FGFR2: variants seen among roughly 807,000 people sequenced by gnomAD.
The protein encoded by FGFR2 is fibroblast growth factor receptor 2.
A neutral mutation model predicts 95.9 loss-of-function variants in FGFR2; 19 were observed. That is an observed-to-expected ratio of 0.20 (90% CI 0.14 to 0.29). The LOEUF (loss-of-function observed/expected upper bound fraction) is 0.29, where lower values mean the gene tolerates loss of function less well. FGFR2 is among the 10% of genes least tolerant of loss of function. The probability of loss-of-function intolerance (pLI) is 1.00; values close to 1 mark genes in which losing one functional copy is unlikely to be tolerated. For missense variants in FGFR2, 707 were observed against 1,056.9 expected, an observed-to-expected ratio of 0.67 and a Z score of 4.59; for synonymous variants, 392 against 393.3, an observed-to-expected ratio of 1.00 and a Z score of 0.04.
chr10:121,525,748 A>G (rs1851279737), intron 6 of FGFR2, among the ~76,000 whole-genome samples: 1 of 151,970 alleles, frequency 6.6e-6, no homozygotes, highest in Admixed American at 6.6e-5. Context: ...ATGTTTGCTC[A>G]TAAGAGATCT....
At chr10:121,525,341 TG>T (rs1439961596) in intron 6 of FGFR2, among the ~76,000 whole-genome samples, 1 of 152,176 alleles carries the variant, frequency 6.6e-6, no homozygotes, top group Non-Finnish European at 1.5e-5. Context: ...CCGGGACAGT[TG>T]GCTGCACTGC....
At chr10:121,480,068 A>G in intron 17 of FGFR2, 47 bp from the exon 18 acceptor site, 1 of 1,547,480 alleles carries the variant, frequency 6.5e-7, no homozygotes, top group Non-Finnish European at 8.9e-7. Context: ...GGGTCAGGAT[A>G]ACAAGGTGAA....
chr10:121,551,930 G>A (rs191755580), intron 4 of FGFR2, among the ~76,000 whole-genome samples: 153 of 151,956 alleles, frequency 1.0e-3, no homozygotes, highest in Middle Eastern at 3.4e-3. Context: ...TTACTTTAAG[G>A]GCAATCAATA....
intron 6 of FGFR2, among the ~76,000 whole-genome samples, chr10:121,532,494 A>G (rs1303301105): frequency 1.3e-5 from 2 of 152,174 alleles, no homozygotes; most frequent in African/African-American, 4.8e-5. Context: ...TTAACAGGTT[A>G]ATTAATTAAC....
At chr10:121,520,320 T>C (rs1311757188) in intron 6 of FGFR2, 151 bp from the exon 7 acceptor site, 17 of 750,538 alleles carry the variant, frequency 2.3e-5, no homozygotes, top group Middle Eastern at 3.8e-4. Flanking sequence ...TGTGGCCCCA[T>C]GAATAACAGA....
chr10:121,513,553 C>T (rs537433890), intron 9 of FGFR2, among the ~76,000 whole-genome samples: 1 of 152,232 alleles, frequency 6.6e-6, no homozygotes, highest in East Asian at 1.9e-4. Context: ...CCAGAAGTTA[C>T]CATTTTTCCC....
rs577543644 is a variant in FGFR2 at position 121,590,314 on chromosome 10, T to C, written c.109+3395A>G. On this transcript the variant is annotated intron_variant, in intron 2 of 17. Coordinates refer to ENST00000358487, the MANE Select transcript of FGFR2 (RefSeq NM_000141.5). ...CAATGACTTAATTAACCAGAGTAGG[T>C]GACAATGTCAGGAAGAACTTGAAAG... is the stretch of plus-strand genomic sequence containing the variant. Among the ~76,000 whole-genome samples the C allele has an allele frequency of 1.1e-4, 16 of 152,294 alleles. No individual in the cohort carries two copies. In the East Asian group the frequency reaches 3.1e-3, roughly 29 times the overall value.
Position 121,598,437 on chromosome 10 carries a change from G to C in FGFR2, c.-626C>G, listed in dbSNP as rs549524538. The C allele has an allele frequency of 1.9e-5, 3 of 158,656 alleles. No homozygotes were observed. Among genetic ancestry groups the C allele is most frequent in the East Asian group, 3.3e-4 (2 of 5,974 alleles). 9.8% of individuals were successfully genotyped at this position (158,656 alleles called of 1,614,324 possible). A position where few individuals can be genotyped will look rare whatever the true frequency, so the allele number is the denominator to read the frequency against. ...CCGCCCGCCCGCTCGGCTCTCCACC[G>C]CGCTCTCCTCCAGCCGCCGCCCGCG... is the stretch of plus-strand genomic sequence containing the variant. On this transcript the variant is annotated 5_prime_UTR_variant, in exon 1 of 18. Coordinates refer to ENST00000358487, the MANE Select transcript of FGFR2 (RefSeq NM_000141.5).
intron 9 of FGFR2, among the ~76,000 whole-genome samples, chr10:121,513,780 A>G (rs1849347742): frequency 6.6e-6 from 1 of 152,136 alleles, no homozygotes; most frequent in Admixed American, 6.5e-5. Flanking sequence ...CCTACGCTTG[A>G]CACACACTTT....
rs2134049562 is a variant in FGFR2 at position 121,503,706 on chromosome 10, G to C, written c.1439+84C>G. The C allele has an allele frequency of 3.4e-6, 5 of 1,481,876 alleles. 1 individual carries two copies. Among genetic ancestry groups the C allele is most frequent in the South Asian group, 2.3e-5 (2 of 87,494 alleles). 91.8% of individuals were successfully genotyped at this position (1,481,876 alleles called of 1,614,324 possible). A position where few individuals can be genotyped will look rare whatever the true frequency, so the allele number is the denominator to read the frequency against. ...ATCACACCAAGACCTTTGTGGCTAAGGGTCATAAAAAGAAAATGTTAATCC... is the reference window on the plus strand; with the variant it reads ...ATCACACCAAGACCTTTGTGGCTAACGGTCATAAAAAGAAAATGTTAATCC... On this transcript the variant is annotated intron_variant, in intron 10 of 17. Transcript: ENST00000358487.
intron 9 of FGFR2, among the ~76,000 whole-genome samples, chr10:121,513,394 A>G (rs1849304007): frequency 6.6e-6 from 1 of 152,220 alleles, no homozygotes; most frequent in Admixed American, 6.5e-5. Flanking sequence ...GAAAGAAAAC[A>G]CGATGACTGT....
At chr10:121,484,072 C>G (rs1589709420) in intron 16 of FGFR2, among the ~76,000 whole-genome samples, 1 of 152,010 alleles carries the variant, frequency 6.6e-6, no homozygotes, top group Admixed American at 6.5e-5. Flanking sequence ...TAACCCTGGG[C>G]CACAGTGACA....
At chr10:121,592,572 C>T (rs932145881) in intron 2 of FGFR2, among the ~76,000 whole-genome samples, 2 of 152,156 alleles carry the variant, frequency 1.3e-5, no homozygotes, top group African/African-American at 4.8e-5. Context: ...CTGGGGAGCC[C>T]ATGTCTCTCA....
chr10:121,488,591 CTAAGAT>C (rs898303894), intron 13 of FGFR2, among the ~76,000 whole-genome samples: 1 of 151,196 alleles, frequency 6.6e-6, no homozygotes, highest in African/African-American at 2.4e-5. Flanking sequence ...CAGTGTGGCT[CTAAGAT>C]TAAGAAGACA....
rs779150139 is a variant in FGFR2 at position 121,544,673 on chromosome 10, G to A, written c.625-5958C>T. Among the ~76,000 whole-genome samples, 96 of 152,198 alleles carry A rather than the reference G, an allele frequency of 6.3e-4. 1 individual carries two copies. The highest frequency in any genetic ancestry group is 4.3e-3 in the Admixed American group (66 of 15,286). On this transcript the variant is annotated intron_variant, in intron 5 of 17. Transcript: ENST00000358487. ...GGTTACCAGGTGCAGTGGGGGAGGG[G>A]AAATGAGTACTTACTACTTAATGGG...
At position 121,593,835 on chromosome 10, in the gene FGFR2, C is replaced by G. The variant is rs1189176628; in HGVS notation, c.-18G>C. On this transcript the variant is annotated 5_prime_UTR_variant, in exon 2 of 18. Transcript: ENST00000358487. Reference sequence around the variant, plus strand: ...CTGACCATGGTTACGGTACCAATCCCCGGTCCTCTTCCATATCTCCATGTG... The same window carrying G: ...CTGACCATGGTTACGGTACCAATCCGCGGTCCTCTTCCATATCTCCATGTG... 1.0e-5 allele frequency: 16 copies of G among 1,607,772 alleles called. No homozygotes were observed. The highest frequency in any genetic ancestry group is 3.3e-5 in the South Asian group (3 of 90,924).
chr10:121,593,820 T>G lies in FGFR2; in HGVS notation c.-3A>C, dbSNP rs748610621. The G allele has an allele frequency of 3.1e-6, 5 of 1,613,752 alleles. No individual in the cohort carries two copies. Among genetic ancestry groups the G allele is most frequent in the Non-Finnish European group, 4.2e-6 (5 of 1,179,612 alleles). On this transcript the variant is annotated 5_prime_UTR_variant, in exon 2 of 18. The change abolishes the stop of an existing upstream ORF in the 5' untranslated region. Transcript: ENST00000358487. ...ATGAAACGACCCCAGCTGACCATGG[T>G]TACGGTACCAATCCCCGGTCCTCTT... is the stretch of plus-strand genomic sequence containing the variant.
chr10:121,487,972 G>C lies in FGFR2; in HGVS notation c.1986+19C>G, dbSNP rs1468122794. On this transcript the variant is annotated intron_variant, in intron 14 of 17. Transcript: ENST00000358487. ...CCTCACCCCCGCCCCTGCCCACTGT[G>C]TTACTGCCATCGACTTACATTGGTG... The C allele has an allele frequency of 1.2e-6, 2 of 1,613,824 alleles. No homozygotes were observed. The highest frequency in any genetic ancestry group is 2.7e-5 in the African/African-American group (2 of 74,896).
chr10:121,489,210 C>T (rs1649168), intron 13 of FGFR2, among the ~76,000 whole-genome samples: 148,362 of 152,138 alleles, frequency 0.98, 72,364 homozygotes, highest in East Asian at 1. Flanking sequence ...GTAGCTGAGA[C>T]TACAGGTGCC....
Sources: gnomAD v4.1 joint callset for allele counts (sites outside exome capture counted in the v4.1 genomes callset) on GRCh38, gnomAD v4.1.1 for gene constraint, MANE v1.5 for transcripts, NCBI Gene and HGNC (gene_info 2026-07-23, HGNC 2026-07-21) for gene names.